CEBPZ: variants seen among roughly 807,000 people sequenced by gnomAD.
The protein encoded by CEBPZ is CCAAT enhancer binding protein zeta.
A neutral mutation model predicts 104.5 loss-of-function variants in CEBPZ; 78 were observed. The ratio of observed to expected loss-of-function variants is 0.75; its 90% CI spans 0.62 to 0.90. CEBPZ has a LOEUF of 0.90. Among genes scored for constraint, CEBPZ ranks in the 40% least tolerant of loss-of-function variants. The pLI is 0.00. For missense variants in CEBPZ, 1,439 were observed against 1,233.5 expected (o/e 1.17, Z -2.50); for synonymous variants, 470 against 427.0 (o/e 1.10, Z -1.24).
chr2:37,223,983 G>A (rs1256368661), intron 2 of CEBPZ, among the ~76,000 whole-genome samples: 1 of 152,154 alleles, frequency 6.6e-6, no homozygotes, highest in Non-Finnish European at 1.5e-5. Context: ...CCAACTCTCT[G>A]CATGTCCACA....
chr2:37,228,874 G>T lies in CEBPZ; in HGVS notation c.319C>A (p.Pro107Thr). The T allele has an allele frequency of 6.2e-7, 1 of 1,604,266 alleles. No individual in the cohort carries two copies. ...TTGCTGGAATTTTCTTTTTCAGCTG[G>T]TTCATCTTCTTCAACTAAGGAAGCT... ...TKASLVEEDE[P>T]AEKENSSKKE... is the part of the protein sequence containing the mutation. The change falls in exon 2 of 16, where the codon CCA becomes ACA. Residue 107 changes from proline (P) to threonine (T), a missense_variant. Pro to Thr is a conservative substitution (Grantham distance 38). Transcript: ENST00000234170.
chr2:37,210,825 G>A (rs368660742), intron 13 of CEBPZ, 174 bp downstream of exon 13: 1 of 485,646 alleles, frequency 2.1e-6, no homozygotes, highest in African/African-American at 2.0e-5. Flanking sequence ...ATATCTGAAT[G>A]CGAGAAACAA....
At chr2:37,205,723 T>C (rs1050871079) in intron 13 of CEBPZ, among the ~76,000 whole-genome samples, 1 of 152,260 alleles carries the variant, frequency 6.6e-6, no homozygotes, top group African/African-American at 2.4e-5. Flanking sequence ...AGAGAGGCAC[T>C]GGAGGCAAAG....
intron 9 of CEBPZ, among the ~76,000 whole-genome samples, chr2:37,214,553 G>T (rs138469360): frequency 6.6e-6 from 1 of 151,994 alleles, no homozygotes; most frequent in Non-Finnish European, 1.5e-5. Context: ...ATTCCAAAAA[G>T]AAGCATAAAA....
At chr2:37,209,434 A>G (rs914121276) in intron 13 of CEBPZ, 13 of 152,234 alleles carry the variant, frequency 8.5e-5, no homozygotes, top group Non-Finnish European at 1.6e-4. Flanking sequence ...TGGTACTTGT[A>G]CAAAAACAGG....
chr2:37,231,100 T>TA (rs1325055515), intron 1 of CEBPZ, among the ~76,000 whole-genome samples: 8 of 152,216 alleles, frequency 5.3e-5, no homozygotes, highest in Non-Finnish European at 1.0e-4. Flanking sequence ...AAAACACTCA[T>TA]ACCACAAGGT....
At chr2:37,222,096 G>A (rs1399583458) in intron 4 of CEBPZ, among the ~76,000 whole-genome samples, 2 of 152,012 alleles carry the variant, frequency 1.3e-5, no homozygotes, top group East Asian at 3.9e-4. Context: ...CCAGCCTGGC[G>A]AACATGGTGA....
At position 37,222,536 on chromosome 2, in the gene CEBPZ, CAAT is replaced by C. The variant is rs753807316; in HGVS notation, c.1906_1908del (p.Ile636del). The C allele has an allele frequency of 2.0e-5, 31 of 1,588,188 alleles. No homozygotes were observed. The highest frequency in any genetic ancestry group is 2.6e-5 in the Non-Finnish European group (31 of 1,173,118). ...TCCATGTCTTCATCATCATTTGCAT[CAAT>C]AAAATTTTCTTCATCATCAGACTCC... is the stretch of plus-strand genomic sequence containing the variant. On this transcript the variant is annotated inframe_deletion, in exon 4 of 16. Transcript: ENST00000234170.
At position 37,228,502 on chromosome 2, in the gene CEBPZ, A is replaced by C. The variant is rs1324630570; in HGVS notation, c.691T>G (p.Ser231Ala). ...KSKTNSQKGA[S>A]STWMKAIVSS... ...ACAATTGCCTTCATCCAGGTAGAAG[A>C]GGCTCCCTTTTGACTATTCGTCTTA... is the stretch of plus-strand genomic sequence containing the variant. Residue 231 changes from serine (S) to alanine (A), a missense_variant, in exon 2 of 16, where the codon TCT becomes GCT. Coordinates refer to ENST00000234170, the MANE Select transcript of CEBPZ (RefSeq NM_005760.3). The C allele has an allele frequency of 6.2e-7, 1 of 1,614,202 alleles. No homozygotes were observed. Among genetic ancestry groups the C allele is most frequent in the Non-Finnish European group, 8.5e-7 (1 of 1,180,030 alleles).
chr2:37,204,976 A>C (rs1000055694), intron 13 of CEBPZ, among the ~76,000 whole-genome samples: 52 of 152,318 alleles, frequency 3.4e-4, no homozygotes, highest in Middle Eastern at 6.8e-3. Context: ...AAGTAAAGCA[A>C]CACTTTTCTG....
chr2:37,218,763 G>C (rs1253657112), intron 5 of CEBPZ, among the ~76,000 whole-genome samples: 1 of 152,088 alleles, frequency 6.6e-6, no homozygotes, highest in African/African-American at 2.4e-5. Context: ...AATTAGCTGG[G>C]CATGGTGGCA....
intron 2 of CEBPZ, among the ~76,000 whole-genome samples, chr2:37,224,306 C>T (rs898114858): frequency 1.3e-4 from 20 of 152,156 alleles, no homozygotes; most frequent in African/African-American, 4.8e-4. Flanking sequence ...TACACATGTC[C>T]CCAACCGGTC....
Position 37,216,289 on chromosome 2 carries a change from CAAATAATTCACT to C in CEBPZ, c.2311+15_2311+26del, listed in dbSNP as rs1264810366. 2 of 1,607,120 alleles carry C rather than the reference CAAATAATTCACT, an allele frequency of 1.2e-6. No homozygotes were observed. Among genetic ancestry groups the C allele is most frequent in the Admixed American group, 3.4e-5 (2 of 59,428 alleles). On this transcript the variant is annotated intron_variant, in intron 7 of 15. Transcript: ENST00000234170. ...TTTATTATGTATTAAAAATGAAAGC[CAAATAATTCACT>C]AAATAGAAGCATACCTTTGCCTTTA...
In CEBPZ at chr2:37,212,357, T is replaced by C; in HGVS notation, c.2581A>G (p.Lys861Glu). The C allele has an allele frequency of 1.2e-6, 2 of 1,613,636 alleles. No individual in the cohort carries two copies. Among genetic ancestry groups the C allele is most frequent in the Non-Finnish European group, 1.7e-6 (2 of 1,179,786 alleles). Residue 861 changes from lysine (K) to glutamate (E), a missense_variant, in exon 11 of 16, where the codon AAG becomes GAG. Physicochemically the swap from Lys to Glu is moderately conservative, Grantham distance 56. Coordinates refer to ENST00000234170, the MANE Select transcript of CEBPZ (RefSeq NM_005760.3). ...TACCCAGCAAAATCCATATCATCCTTTCCAGAGCTGAAACAGTTATCATCT... is the reference window on the plus strand; with the variant it reads ...TACCCAGCAAAATCCATATCATCCTCTCCAGAGCTGAAACAGTTATCATCT... ...FEDDNCFSSG[K>E]DDMDFAGNVK...
At position 37,201,850 on chromosome 2, in the gene CEBPZ, C is replaced by G. The variant is rs534443487; in HGVS notation, c.3079G>C (p.Asp1027His). ...TTTTTCTTGATGATACTTTTTGCAT[C>G]TCTGTTGTGTAGCCAGTCATCACGT... ...AERDDWLHNR[D>H]AKSIIKKKKH... The change falls in exon 16 of 16, where the codon GAT becomes CAT. Residue 1027 changes from aspartate to histidine, a missense_variant. Transcript: ENST00000234170. 2.5e-6 allele frequency: 4 copies of G among 1,613,246 alleles called. No homozygotes were observed. In the African/African-American group the frequency reaches 5.3e-5, roughly 22 times the overall value.
chr2:37,212,309 G>A (rs903100254), intron 11 of CEBPZ, 26 bp downstream of exon 11: 12 of 1,597,990 alleles, frequency 7.5e-6, no homozygotes, highest in Non-Finnish European at 1.0e-5. Flanking sequence ...TAGAAAAATA[G>A]GAAGGAGAAG....
chr2:37,219,403 CTT>C (rs34265692), intron 5 of CEBPZ, among the ~76,000 whole-genome samples: 29 of 147,674 alleles, frequency 2.0e-4, no homozygotes, highest in East Asian at 2.0e-4. Flanking sequence ...GTCATACTGG[CTT>C]TTTTTTTTTT....
At chr2:37,220,990 C>A (rs1258008009) in intron 4 of CEBPZ, among the ~76,000 whole-genome samples, 1 of 151,970 alleles carries the variant, frequency 6.6e-6, no homozygotes, top group African/African-American at 2.4e-5. Context: ...GAGCAAGACC[C>A]TGACTCAAAA....
At chr2:37,225,161 T>C (rs1451700322) in intron 2 of CEBPZ, among the ~76,000 whole-genome samples, 1 of 152,214 alleles carries the variant, frequency 6.6e-6, no homozygotes. Context: ...ATCTATTACT[T>C]CAAAGAGTTG....
Sources: allele counts gnomAD v4.1 joint callset (sites outside exome capture counted in the v4.1 genomes callset), GRCh38; gene constraint gnomAD v4.1.1; transcripts MANE v1.5; gene names NCBI Gene and HGNC (gene_info 2026-07-23, HGNC 2026-07-21).